The following LRRC7 variants were observed in gnomAD, a reference collection of about 807,000 sequenced individuals.
The protein encoded by LRRC7 is leucine rich repeat containing 7, also known as leucine-rich repeat-containing protein 7.
In LRRC7, 23 loss-of-function variants were observed where a neutral mutation model predicts 175.7. The observed-to-expected ratio is 0.13, with a 90% CI of 0.09 to 0.19. The LOEUF is 0.19. Among genes scored for constraint, LRRC7 ranks in the 10% least tolerant of loss-of-function variants. The pLI is 1.00. For missense variants in LRRC7, 1,354 were observed against 1,904.7 expected (o/e 0.71, Z 5.38); for synonymous variants, 685 against 680.9 (o/e 1.01, Z -0.09).
intron 2 of LRRC7, among the ~76,000 whole-genome samples, chr1:69,697,817 T>C (rs1300132647): frequency 6.6e-6 from 1 of 152,154 alleles, no homozygotes. Flanking sequence ...AAAACTGATA[T>C]TGGAGGAGGT....
chr1:69,605,548 T>A (rs1647402580), intron 1 of LRRC7, among the ~76,000 whole-genome samples: 1 of 152,184 alleles, frequency 6.6e-6, no homozygotes, highest in Non-Finnish European at 1.5e-5. Flanking sequence ...ATCTCTTCTT[T>A]AGAAGTAGTT....
intron 22 of LRRC7, among the ~76,000 whole-genome samples, chr1:70,050,827 G>A (rs1660691069): frequency 6.6e-6 from 1 of 151,918 alleles, no homozygotes; most frequent in African/African-American, 2.4e-5. Context: ...TCAATAAATT[G>A]TTTTTAATGA....
intron 2 of LRRC7, among the ~76,000 whole-genome samples, chr1:69,715,769 A>AT (rs1557637939): frequency 1.3e-5 from 2 of 151,898 alleles, no homozygotes; most frequent in Non-Finnish European, 2.9e-5. Flanking sequence ...TATTTTTTAA[A>AT]TTTTTTTATA....
At chr1:69,728,296 G>C (rs942916501) in intron 2 of LRRC7, among the ~76,000 whole-genome samples, 4 of 152,042 alleles carry the variant, frequency 2.6e-5, no homozygotes, top group African/African-American at 7.2e-5. Flanking sequence ...ACTAGAAACT[G>C]TTTGAAATGG....
intron 7 of LRRC7, among the ~76,000 whole-genome samples, chr1:69,927,233 C>G (rs1324940758): frequency 1.3e-5 from 2 of 152,262 alleles, no homozygotes; most frequent in African/African-American, 2.4e-5. Context: ...CTCTGGCTGC[C>G]CTTAACATTT....
rs1553201466 is a variant in LRRC7 at position 70,082,781 on chromosome 1, A to ATCT, written c.4452+6484_4452+6485insCTT. Among the ~76,000 whole-genome samples, 87 of 52,296 alleles carry ATCT rather than the reference A, an allele frequency of 1.7e-3. 29 individuals carry two copies. The highest frequency in any genetic ancestry group is 4.9e-3 in the African/African-American group (80 of 16,170). 34.3% of individuals were successfully genotyped at this position (52,296 alleles called of 152,430 possible). On this transcript the variant is annotated intron_variant, in intron 24 of 26. Coordinates refer to ENST00000651989, the MANE Select transcript of LRRC7 (RefSeq NM_001370785.2). ...TATTAGTCAATCTTGATACCAGTAC[A>ATCT]TTTTTTTTTTTTTTTTTTTTTTTTT...
intron 7 of LRRC7, among the ~76,000 whole-genome samples, chr1:69,887,846 C>T (rs1282915430): frequency 6.8e-6 from 1 of 147,320 alleles, no homozygotes; most frequent in South Asian, 2.2e-4. Context: ...AGACAGGACC[C>T]TCAGCTGCAG....
chr1:69,915,965 G>A lies in LRRC7; in HGVS notation c.648-15542G>A, dbSNP rs114704112. ...GTTCAAAGTCAAACAGCTAGTGAGT[G>A]GTGGAACCAGGATTCAGACCCAGGT... On this transcript the variant is annotated intron_variant, in intron 7 of 26. Transcript: ENST00000651989. Among the ~76,000 whole-genome samples the A allele has an allele frequency of 7.8e-3, 1,145 of 146,140 alleles. 10 individuals are homozygous for A. Among genetic ancestry groups the A allele is most frequent in the African/African-American group, 0.026 (1,050 of 39,732 alleles).
At chr1:69,621,711 C>T (rs993854135) in intron 1 of LRRC7, among the ~76,000 whole-genome samples, 8 of 152,144 alleles carry the variant, frequency 5.3e-5, no homozygotes, top group African/African-American at 9.7e-5. Flanking sequence ...GGTCTAGCAG[C>T]AACTGGAATT....
chr1:69,975,257 A>G (rs1652689904), intron 8 of LRRC7, among the ~76,000 whole-genome samples: 1 of 152,180 alleles, frequency 6.6e-6, no homozygotes, highest in Non-Finnish European at 1.5e-5. Flanking sequence ...ATCCTTGGAA[A>G]TCATGAAAGG....
chr1:69,669,081 TCTCTAC>T (rs1658686775), intron 1 of LRRC7, among the ~76,000 whole-genome samples: 1 of 152,216 alleles, frequency 6.6e-6, no homozygotes, highest in South Asian at 2.1e-4. Flanking sequence ...TCCTTTAGTC[TCTCTAC>T]TTAAGATAAG....
chr1:69,828,217 T>A (rs571497434), intron 5 of LRRC7, among the ~76,000 whole-genome samples: 1 of 152,276 alleles, frequency 6.6e-6, no homozygotes, highest in Non-Finnish European at 1.5e-5. Context: ...TTGGCTATTA[T>A]GAGTAAAGCT....
At chr1:69,760,786 A>T (rs1239427867) in intron 3 of LRRC7, among the ~76,000 whole-genome samples, 5 of 152,066 alleles carry the variant, frequency 3.3e-5, no homozygotes, top group African/African-American at 1.2e-4. Context: ...TACAACCTTG[A>T]ATTGTATGCT....
chr1:69,725,948 C>T (rs1666931870), intron 2 of LRRC7, among the ~76,000 whole-genome samples: 2 of 152,174 alleles, frequency 1.3e-5, no homozygotes, highest in Admixed American at 1.3e-4. Context: ...GGCCTGGACC[C>T]TACCTGTAGC....
At chr1:69,997,695 G>T (rs1181431432) in intron 11 of LRRC7, among the ~76,000 whole-genome samples, 1 of 149,710 alleles carries the variant, frequency 6.7e-6, no homozygotes, top group Non-Finnish European at 1.5e-5. Flanking sequence ...TTATATGCTG[G>T]ATTACATTTA....
Position 69,896,332 on chromosome 1 carries a change from A to G in LRRC7, c.648-35175A>G, listed in dbSNP as rs568339509. On this transcript the variant is annotated intron_variant, in intron 7 of 26. Transcript: ENST00000651989. ...CAAATTATTCTTTTCTAGCTATTTGAAATATACAATAGATGATTATAAATT... is the reference window on the plus strand; with the variant it reads ...CAAATTATTCTTTTCTAGCTATTTGGAATATACAATAGATGATTATAAATT... 5.9e-5 allele frequency among the ~76,000 whole-genome samples: 9 copies of G among 152,204 alleles called. No individual in the cohort carries two copies. The South Asian group carries it at 8.3e-4, about 14-fold the overall frequency.
At chr1:69,700,935 A>T (rs1010880191) in intron 2 of LRRC7, among the ~76,000 whole-genome samples, 1 of 152,188 alleles carries the variant, frequency 6.6e-6, no homozygotes, top group Non-Finnish European at 1.5e-5. Context: ...ACCCGTCAGT[A>T]GTCCACTGTA....
chr1:69,723,090 T>C (rs1305195870), intron 2 of LRRC7, among the ~76,000 whole-genome samples: 1 of 152,108 alleles, frequency 6.6e-6, no homozygotes, highest in African/African-American at 2.4e-5. Context: ...TTATATGTGG[T>C]TCTTCTATTT....
intron 26 of LRRC7, among the ~76,000 whole-genome samples, chr1:70,114,619 T>C (rs1030385925): frequency 2.6e-5 from 4 of 152,154 alleles, no homozygotes; most frequent in South Asian, 4.1e-4. Flanking sequence ...GCCCAGGAGG[T>C]TGAGGCTGCA....
Sources: gnomAD v4.1 joint callset for allele counts (sites outside exome capture counted in the v4.1 genomes callset) on GRCh38, gnomAD v4.1.1 for gene constraint, MANE v1.5 for transcripts, NCBI Gene and HGNC (gene_info 2026-07-23, HGNC 2026-07-21) for gene names.